Variants in PTPRM observed in about 807,000 individuals in gnomAD.
PTPRM encodes the protein receptor-type tyrosine-protein phosphatase mu.
In PTPRM, 47 loss-of-function variants were observed where a neutral mutation model predicts 186.7. The observed-to-expected ratio is 0.25, with a 90% CI of 0.20 to 0.32. The LOEUF (loss-of-function observed/expected upper bound fraction) is 0.32. Among genes scored for constraint, PTPRM ranks in the 10% least tolerant of loss-of-function variants. The probability of loss-of-function intolerance (pLI) is 1.00; values close to 1 mark genes in which losing one functional copy is unlikely to be tolerated. For missense variants in PTPRM, 1,494 were observed against 1,865.0 expected, an observed-to-expected ratio of 0.80 and a Z score of 3.66; for synonymous variants, 668 against 674.9, an observed-to-expected ratio of 0.99 and a Z score of 0.16.
chr18:8,027,413 A>G (rs887115042), intron 7 of PTPRM, among the ~76,000 whole-genome samples: 3 of 152,220 alleles, frequency 2.0e-5, no homozygotes, highest in Non-Finnish European at 4.4e-5. Flanking sequence ...TTGCTGCTTT[A>G]GCATATGAGA....
intron 2 of PTPRM, among the ~76,000 whole-genome samples, chr18:7,796,868 T>C (rs1181555050): frequency 6.6e-6 from 1 of 152,228 alleles, no homozygotes; most frequent in East Asian, 1.9e-4. Flanking sequence ...TTCTTGTCAT[T>C]TCCCTCTGGA....
intron 2 of PTPRM, among the ~76,000 whole-genome samples, chr18:7,794,688 G>T (rs1006437537): frequency 6.6e-6 from 1 of 152,110 alleles, no homozygotes; most frequent in South Asian, 2.1e-4. Flanking sequence ...TATTTTTAGT[G>T]TACTTTTTAG....
chr18:8,271,712 TG>T (rs896568956), intron 19 of PTPRM, among the ~76,000 whole-genome samples: 1 of 152,136 alleles, frequency 6.6e-6, no homozygotes, highest in Non-Finnish European at 1.5e-5. Flanking sequence ...GAGTTAATTT[TG>T]ATAGTTAATA....
chr18:7,628,664 T>C (rs1052417957), intron 1 of PTPRM, among the ~76,000 whole-genome samples: 1 of 152,220 alleles, frequency 6.6e-6, no homozygotes, highest in Non-Finnish European at 1.5e-5. Context: ...AATTCTAGTT[T>C]TGTCCATGAC....
intron 11 of PTPRM, among the ~76,000 whole-genome samples, chr18:8,099,557 C>T (rs149001942): frequency 5.3e-5 from 8 of 152,038 alleles, no homozygotes; most frequent in African/African-American, 1.9e-4. Context: ...GGGAAGTAAA[C>T]AGGCCAATGT....
chr18:7,823,987 G>A (rs2045348353), intron 2 of PTPRM, among the ~76,000 whole-genome samples: 2 of 152,202 alleles, frequency 1.3e-5, no homozygotes, highest in African/African-American at 4.8e-5. Flanking sequence ...GGATGGATCT[G>A]TCTTTATTGG....
In PTPRM at chr18:8,182,841, A is replaced by G. The variant is rs576341202; in HGVS notation, c.2300+39062A>G. Among the ~76,000 whole-genome samples the G allele has an allele frequency of 3.9e-5, 6 of 152,312 alleles. No homozygotes were observed. In the South Asian group the frequency reaches 1.2e-3, roughly 32 times the overall value. ...AATCTATCATCTTTCCCTGCCCCCAAGTGCTGTGACTGCTCTGATGACCCT... is the reference window on the plus strand; with the variant it reads ...AATCTATCATCTTTCCCTGCCCCCAGGTGCTGTGACTGCTCTGATGACCCT... On this transcript the variant is annotated intron_variant, in intron 14 of 32. Coordinates refer to ENST00000580170, the MANE Select transcript of PTPRM (RefSeq NM_001105244.2).
At chr18:7,984,600 TATAC>T (rs1269833303) in intron 7 of PTPRM, among the ~76,000 whole-genome samples, 44 of 110,942 alleles carry the variant, frequency 4.0e-4, no homozygotes, top group African/African-American at 5.6e-4. Context: ...TATATATATA[TATAC>T]ACACACACAC....
At chr18:7,961,806 T>C (rs774111978) in intron 7 of PTPRM, among the ~76,000 whole-genome samples, 1 of 142,474 alleles carries the variant, frequency 7.0e-6, no homozygotes, top group Non-Finnish European at 1.6e-5. Context: ...ATAGTGTTTT[T>C]ATAACTTCCA....
At chr18:7,788,869 C>A (rs2043208945) in intron 2 of PTPRM, among the ~76,000 whole-genome samples, 1 of 152,176 alleles carries the variant, frequency 6.6e-6, no homozygotes. Flanking sequence ...ATCTGATGAT[C>A]TTTATAGATT....
intron 2 of PTPRM, among the ~76,000 whole-genome samples, chr18:7,777,438 T>A (rs1426723655): frequency 6.6e-6 from 1 of 152,126 alleles, no homozygotes; most frequent in Non-Finnish European, 1.5e-5. Context: ...GTTTAAATGG[T>A]GTCAGTGGTT....
chr18:8,208,277 G>A (rs1489897955), intron 14 of PTPRM, among the ~76,000 whole-genome samples: 4 of 152,236 alleles, frequency 2.6e-5, no homozygotes, highest in Admixed American at 6.5e-5. Flanking sequence ...TGCTGAATAT[G>A]TGTCTCTTCA....
intron 1 of PTPRM, among the ~76,000 whole-genome samples, chr18:7,772,340 T>C (rs2144920791): frequency 7.4e-6 from 1 of 135,526 alleles, no homozygotes; most frequent in East Asian, 2.0e-4. Context: ...TTCTTTTCTT[T>C]CTTTCTTTCT....
At chr18:8,043,951 C>T (rs920463742) in intron 7 of PTPRM, among the ~76,000 whole-genome samples, 2 of 152,172 alleles carry the variant, frequency 1.3e-5, no homozygotes, top group African/African-American at 4.8e-5. Context: ...TAAGTTTCTA[C>T]TCTTTGGCAG....
chr18:7,626,507 A>G (rs1179953860), intron 1 of PTPRM, among the ~76,000 whole-genome samples: 6 of 152,158 alleles, frequency 3.9e-5, no homozygotes, highest in Non-Finnish European at 2.9e-5. Context: ...ACCTGTATGG[A>G]GAGTGGAAGG....
intron 23 of PTPRM, among the ~76,000 whole-genome samples, chr18:8,352,653 G>GTTTTTTTTTTTTTTTTTTTTTTT (rs1355276752): frequency 3.3e-5 from 4 of 121,340 alleles, no homozygotes; most frequent in Non-Finnish European, 3.6e-5. Flanking sequence ...TTTTGGTTTG[G>GTTTTTTTTTTTTTTTTTTTTTTT]TTTTTTTTGT....
At chr18:7,720,434 A>G (rs2040424925) in intron 1 of PTPRM, among the ~76,000 whole-genome samples, 1 of 152,188 alleles carries the variant, frequency 6.6e-6, no homozygotes, top group African/African-American at 2.4e-5. Flanking sequence ...GGCTTCTCAA[A>G]TCAGTGGGAA....
At chr18:8,127,157 G>GA (rs1321900400) in intron 13 of PTPRM, among the ~76,000 whole-genome samples, 4 of 151,454 alleles carry the variant, frequency 2.6e-5, no homozygotes, top group Admixed American at 6.6e-5. Flanking sequence ...CAACACACTG[G>GA]AAAAAAAAGA....
At chr18:8,333,723 A>G (rs2148181597) in intron 22 of PTPRM, among the ~76,000 whole-genome samples, 1 of 152,300 alleles carries the variant, frequency 6.6e-6, no homozygotes, top group South Asian at 2.1e-4. Flanking sequence ...TCCCACCTTC[A>G]GCCATCTTCA....
Sources: gnomAD v4.1 joint callset for allele counts (sites outside exome capture counted in the v4.1 genomes callset) on GRCh38, gnomAD v4.1.1 for gene constraint, MANE v1.5 for transcripts, NCBI Gene and HGNC (gene_info 2026-07-23, HGNC 2026-07-21) for gene names.